MAP2K5: variants seen among roughly 807,000 people sequenced by gnomAD.
MAP2K5 encodes the protein mitogen-activated protein kinase kinase 5.
MAP2K5 carries 49 observed loss-of-function variants against 83.1 expected under a neutral mutation model. That is an observed-to-expected ratio of 0.59 (90% confidence interval 0.47 to 0.75). MAP2K5 has a LOEUF of 0.75. MAP2K5 is among the 30% of genes least tolerant of loss of function. MAP2K5 has a pLI of 0.00. For missense variants in MAP2K5, 457 were observed against 557.5 expected, an observed-to-expected ratio of 0.82 and a Z score of 1.82; for synonymous variants, 202 against 191.8, an observed-to-expected ratio of 1.05 and a Z score of -0.44.
chr15:67,746,781 A>G lies in MAP2K5; in HGVS notation c.1075-1450A>G, dbSNP rs2089613763. 2.0e-5 allele frequency among the ~76,000 whole-genome samples: 3 copies of G among 152,222 alleles called. No homozygotes were observed. Among genetic ancestry groups the G allele is most frequent in the Admixed American group, 2.0e-4 (3 of 15,288 alleles). ...GGGGAGGAAGTGATGAAAAGCCAAT[A>G]AGAGCAATGAGTGGGCGCCGTGTTC... is the stretch of plus-strand genomic sequence containing the variant. On this transcript the variant is annotated intron_variant, in intron 17 of 21. Transcript: ENST00000178640. This position sits in a 1 kb window ranked among gnomAD's most constrained non-coding sequence, Gnocchi z 4.1.
intron 21 of MAP2K5, among the ~76,000 whole-genome samples, chr15:67,792,054 T>C (rs1054768049): frequency 6.6e-6 from 1 of 152,168 alleles, no homozygotes; most frequent in Admixed American, 6.5e-5. Context: ...CTCACCTGCA[T>C]TGGTGAGAAG....
intron 2 of MAP2K5, among the ~76,000 whole-genome samples, chr15:67,560,212 A>G (rs73433619): frequency 1.3e-5 from 2 of 152,328 alleles, no homozygotes; most frequent in South Asian, 2.1e-4. Flanking sequence ...TTTGCTTTAC[A>G]GGTTAAGGTG....
chr15:67,709,500 G>C (rs1331712971), intron 16 of MAP2K5, among the ~76,000 whole-genome samples: 1 of 148,940 alleles, frequency 6.7e-6, no homozygotes, highest in Non-Finnish European at 1.5e-5. Context: ...AAAAACTACA[G>C]GGCTAAACTT....
intron 19 of MAP2K5, among the ~76,000 whole-genome samples, chr15:67,751,050 A>T (rs1171420003): frequency 6.6e-6 from 1 of 152,138 alleles, no homozygotes; most frequent in Admixed American, 6.5e-5. Flanking sequence ...CAAAGAGTGA[A>T]GATGTAGTAA....
At chr15:67,663,660 G>A (rs1403168008) in intron 12 of MAP2K5, among the ~76,000 whole-genome samples, 1 of 151,996 alleles carries the variant, frequency 6.6e-6, no homozygotes, top group Admixed American at 6.6e-5. Context: ...ATCCCTTGAG[G>A]TCAGGAGTTC....
chr15:67,745,616 G>A (rs1471195139), intron 17 of MAP2K5, among the ~76,000 whole-genome samples: 1 of 152,274 alleles, frequency 6.6e-6, no homozygotes, highest in East Asian at 1.9e-4. Context: ...AAATATGACT[G>A]TGGCATTAAA....
At chr15:67,715,263 C>G (rs2088804798) in intron 16 of MAP2K5, among the ~76,000 whole-genome samples, 1 of 151,694 alleles carries the variant, frequency 6.6e-6, no homozygotes, top group Admixed American at 6.6e-5. Flanking sequence ...TTGTGTGTAA[C>G]TTAATGCAAA....
intron 16 of MAP2K5, among the ~76,000 whole-genome samples, chr15:67,714,311 A>G (rs1722897026): frequency 6.6e-6 from 1 of 150,456 alleles, no homozygotes; most frequent in Non-Finnish European, 1.5e-5. Flanking sequence ...ATATGTATTG[A>G]GTGCTTACCA....
In MAP2K5 at chr15:67,777,746, A is replaced by G. The variant is rs765367245; in HGVS notation, c.1242+4994A>G. On this transcript the variant is annotated intron_variant, in intron 21 of 21. Coordinates refer to ENST00000178640, the MANE Select transcript of MAP2K5 (RefSeq NM_145160.3). This position sits in a 1 kb window ranked among gnomAD's most constrained non-coding sequence, Gnocchi z 6.0. ...TATACTGCTTTAGTAATTGTTTAAA[A>G]ACATGGGTTTTCTCCTTAGGTTCTA... Among the ~76,000 whole-genome samples, 2 of 152,220 alleles carry G rather than the reference A, an allele frequency of 1.3e-5. No individual in the cohort carries two copies. Among genetic ancestry groups the G allele is most frequent in the Non-Finnish European group, 2.9e-5 (2 of 68,038 alleles).
intron 13 of MAP2K5, among the ~76,000 whole-genome samples, chr15:67,678,958 A>C (rs1244541510): frequency 4.4e-5 from 2 of 45,922 alleles, no homozygotes; most frequent in African/African-American, 1.0e-4. Context: ...GTGACACTGC[A>C]TCTCAAAAAA....
In MAP2K5 at chr15:67,717,418, G is replaced by A. The variant is rs2088852657; in HGVS notation, c.1045-10498G>A. Among the ~76,000 whole-genome samples, 1 of 152,136 alleles carries A rather than the reference G, an allele frequency of 6.6e-6. No individual in the cohort carries two copies. Among genetic ancestry groups the A allele is most frequent in the Non-Finnish European group, 1.5e-5 (1 of 68,022 alleles). On this transcript the variant is annotated intron_variant, in intron 16 of 21. Coordinates refer to ENST00000178640, the MANE Select transcript of MAP2K5 (RefSeq NM_145160.3). The surrounding 1 kb of genome is among the most constrained non-coding windows in gnomAD (Gnocchi z 4.1). ...GTACTACCCAGTGTTGGCAGTAAGG[G>A]TACATACTTTGCCCTCAGTGACTCC...
At chr15:67,703,267 C>A in intron 15 of MAP2K5, 70 bp from the exon 16 acceptor site, 3 of 1,156,574 alleles carry the variant, frequency 2.6e-6, no homozygotes, top group Non-Finnish European at 3.9e-6. Context: ...CTTAGCTGAG[C>A]TTATTTTGGT....
intron 8 of MAP2K5, among the ~76,000 whole-genome samples, chr15:67,620,995 C>T (rs2086169844): frequency 6.6e-6 from 1 of 151,714 alleles, no homozygotes; most frequent in Admixed American, 6.6e-5. Flanking sequence ...ATATTAGCAG[C>T]TAATAGGTTA....
At chr15:67,597,813 C>T (rs1462543730) in intron 7 of MAP2K5, among the ~76,000 whole-genome samples, 1 of 151,992 alleles carries the variant, frequency 6.6e-6, no homozygotes, top group Non-Finnish European at 1.5e-5. Flanking sequence ...TTCCCATCCC[C>T]CCCAAATTTT....
intron 7 of MAP2K5, among the ~76,000 whole-genome samples, chr15:67,593,434 T>A (rs2085456693): frequency 6.6e-6 from 1 of 152,186 alleles, no homozygotes; most frequent in Non-Finnish European, 1.5e-5. Context: ...TCAGGAGACC[T>A]TAGTTTGCCT....
intron 7 of MAP2K5, among the ~76,000 whole-genome samples, chr15:67,599,261 T>C (rs958764086): frequency 1.3e-5 from 2 of 152,242 alleles, no homozygotes; most frequent in African/African-American, 4.8e-5. Flanking sequence ...TGCCAATTGT[T>C]CTGGCATGTC....
At chr15:67,607,429 G>A (rs756200890) in intron 8 of MAP2K5, among the ~76,000 whole-genome samples, 21 of 152,272 alleles carry the variant, frequency 1.4e-4, no homozygotes, top group Non-Finnish European at 2.8e-4. Flanking sequence ...CTGAGCTCAT[G>A]GTTCTCTGTA....
chr15:67,689,600 T>G (rs2088048864), intron 13 of MAP2K5, among the ~76,000 whole-genome samples: 1 of 152,176 alleles, frequency 6.6e-6, no homozygotes, highest in Non-Finnish European at 1.5e-5. Flanking sequence ...AAAACCAGAT[T>G]GAGGGGAGAA....
chr15:67,629,075 C>G (rs1460891380), intron 8 of MAP2K5: 1 of 738,146 alleles, frequency 1.4e-6, no homozygotes. Flanking sequence ...AACCATGAAA[C>G]CAAGGTGGCC....
Sources: allele counts gnomAD v4.1 joint callset (sites outside exome capture counted in the v4.1 genomes callset), GRCh38; gene constraint gnomAD v4.1.1; non-coding constraint Gnocchi (gnomAD v3.1); transcripts MANE v1.5; gene names NCBI Gene and HGNC (gene_info 2026-07-23, HGNC 2026-07-21).